The following ANKRD44 variants were observed in gnomAD, a reference collection of about 807,000 sequenced individuals.
ANKRD44 encodes the protein ankyrin repeat domain 44.
A neutral mutation model predicts 116.0 loss-of-function variants in ANKRD44; 35 were observed. The observed-to-expected ratio is 0.30, with a 90% CI of 0.23 to 0.40. The LOEUF (loss-of-function observed/expected upper bound fraction) is 0.40, where lower values mean the gene tolerates loss of function less well. Among genes scored for constraint, ANKRD44 ranks in the 10% least tolerant of loss-of-function variants. The probability of loss-of-function intolerance (pLI) is 1.00; values close to 1 mark genes in which losing one functional copy is unlikely to be tolerated. For missense variants in ANKRD44, 1,014 were observed against 1,242.6 expected (o/e 0.82, Z 2.77); for synonymous variants, 435 against 461.8 (o/e 0.94, Z 0.74).
chr2:197,224,645 T>G (rs1171659061), intron 1 of ANKRD44, among the ~76,000 whole-genome samples: 1 of 152,244 alleles, frequency 6.6e-6, no homozygotes, highest in Admixed American at 6.5e-5. Context: ...TTATGCTTTT[T>G]GGTTTGTTGC....
At chr2:197,274,613 C>T (rs894090733) in intron 1 of ANKRD44, among the ~76,000 whole-genome samples, 1 of 152,184 alleles carries the variant, frequency 6.6e-6, no homozygotes, top group Non-Finnish European at 1.5e-5. Context: ...TCAACTTTTC[C>T]CTCGGCCCAG....
chr2:197,209,517 A>G (rs2081281214), intron 1 of ANKRD44, among the ~76,000 whole-genome samples: 1 of 152,170 alleles, frequency 6.6e-6, no homozygotes, highest in Non-Finnish European at 1.5e-5. Flanking sequence ...ACTCTTTTCC[A>G]TCTTGAATAA....
intron 1 of ANKRD44, among the ~76,000 whole-genome samples, chr2:197,249,187 C>T (rs973904286): frequency 5.9e-5 from 9 of 152,138 alleles, no homozygotes; most frequent in African/African-American, 1.9e-4. Flanking sequence ...GCTGGAGGAT[C>T]GCTTGAGCCC....
chr2:197,124,972 CT>C lies in ANKRD44; in HGVS notation c.550+408del, dbSNP rs1553514141. Among the ~76,000 whole-genome samples, 4 of 29,338 alleles carry C rather than the reference CT, an allele frequency of 1.4e-4. No homozygotes were observed. The South Asian group carries it at 0.01, about 76-fold the overall frequency. The allele number at this position is 29,338 out of a possible 152,430, so 19.2% of individuals were successfully genotyped here. A position where few individuals can be genotyped will look rare whatever the true frequency, so the allele number is the denominator to read the frequency against. ...CCAGAGGTTTGTCTTTTCTTCCTTT[CT>C]TTTTGTTTCTTTCAAAAATATTTAT... On this transcript the variant is annotated intron_variant, in intron 6 of 27. Transcript: ENST00000282272.
At chr2:197,010,299 CG>C (rs1281726588) in intron 18 of ANKRD44, among the ~76,000 whole-genome samples, 1 of 152,174 alleles carries the variant, frequency 6.6e-6, no homozygotes, top group Non-Finnish European at 1.5e-5. Context: ...CTCAGCCCCA[CG>C]GTCACCGAGC....
chr2:196,998,179 T>C (rs2376209), intron 25 of ANKRD44, among the ~76,000 whole-genome samples, 158 bp downstream of exon 25: 113,903 of 152,166 alleles, frequency 0.75, 45,110 homozygotes, highest in East Asian at 0.97. Context: ...GGGTCTGTCC[T>C]TTCCTTCTCA....
chr2:196,994,089 G>T (rs2075968564), intron 26 of ANKRD44, among the ~76,000 whole-genome samples: 1 of 152,126 alleles, frequency 6.6e-6, no homozygotes. Flanking sequence ...AAACTTCCTT[G>T]TTACTACTAA....
Position 197,154,420 on chromosome 2 carries a change from C to A in ANKRD44, c.112-7315G>T, listed in dbSNP as rs1686131612. On this transcript the variant is annotated intron_variant, in intron 2 of 27. Coordinates refer to ENST00000282272, the MANE Select transcript of ANKRD44 (RefSeq NM_001195144.2). ...GGTCTCGATCTCCTGACCTCGTGAT[C>A]CGCCCGCCTCGGCCTCCCAAAGTGC... 2.6e-5 allele frequency among the ~76,000 whole-genome samples: 4 copies of A among 152,018 alleles called. No individual in the cohort carries two copies. The South Asian group carries it at 8.3e-4, about 31-fold the overall frequency.
chr2:197,076,764 C>G (rs530963950), intron 16 of ANKRD44, among the ~76,000 whole-genome samples: 2 of 151,454 alleles, frequency 1.3e-5, no homozygotes, highest in Non-Finnish European at 3.0e-5. Flanking sequence ...TATTTGGTTT[C>G]TTGCTCCTGT....
chr2:197,244,149 G>A (rs1190887309), intron 1 of ANKRD44, among the ~76,000 whole-genome samples: 2 of 152,180 alleles, frequency 1.3e-5, no homozygotes, highest in East Asian at 1.9e-4. Context: ...CCCAACTTAG[G>A]TAGCTATAAC....
At chr2:197,297,374 C>T (rs1479618994) in intron 1 of ANKRD44, among the ~76,000 whole-genome samples, 2 of 152,114 alleles carry the variant, frequency 1.3e-5, no homozygotes, top group African/African-American at 2.4e-5. Flanking sequence ...AAAACAAAAA[C>T]AAACTCAAAT....
chr2:197,014,784 CAA>C (rs370169126), intron 17 of ANKRD44, among the ~76,000 whole-genome samples: 2 of 123,476 alleles, frequency 1.6e-5, no homozygotes, highest in Admixed American at 8.2e-5. Flanking sequence ...ACTCTGTCTC[CAA>C]AAAAAAAAAC....
At chr2:197,265,058 C>A (rs1462576009) in intron 1 of ANKRD44, among the ~76,000 whole-genome samples, 1 of 152,176 alleles carries the variant, frequency 6.6e-6, no homozygotes, top group Non-Finnish European at 1.5e-5. Context: ...AAACCTCCCA[C>A]AGAATTCCGT....
chr2:197,086,461 T>C (rs962503508), intron 13 of ANKRD44, among the ~76,000 whole-genome samples: 1 of 152,110 alleles, frequency 6.6e-6, no homozygotes, highest in Non-Finnish European at 1.5e-5. Context: ...AGGGAGACAA[T>C]TGGCACATCT....
At chr2:197,153,678 C>T (rs2079723061) in intron 2 of ANKRD44, among the ~76,000 whole-genome samples, 1 of 152,068 alleles carries the variant, frequency 6.6e-6, no homozygotes, top group African/African-American at 2.4e-5. Flanking sequence ...AGTAATAGTC[C>T]CATATGTGCC....
chr2:197,256,007 TC>T (rs1195345318), intron 1 of ANKRD44, among the ~76,000 whole-genome samples: 2 of 152,270 alleles, frequency 1.3e-5, no homozygotes, highest in Non-Finnish European at 2.9e-5. Context: ...TGGAGGGGAT[TC>T]TTAAGATACT....
intron 1 of ANKRD44, among the ~76,000 whole-genome samples, chr2:197,279,320 A>G (rs974960045): frequency 6.6e-5 from 10 of 152,214 alleles, no homozygotes; most frequent in Non-Finnish European, 7.3e-5. Context: ...GAGAAACAGC[A>G]TCACGCAGTC....
chr2:197,185,594 A>G (rs1208506829), intron 2 of ANKRD44, among the ~76,000 whole-genome samples: 3 of 152,212 alleles, frequency 2.0e-5, no homozygotes, highest in Non-Finnish European at 4.4e-5. Flanking sequence ...TTCAACTCAA[A>G]TCTAGGAAAC....
chr2:197,004,611 A>G (rs531175842), intron 21 of ANKRD44, among the ~76,000 whole-genome samples: 2 of 152,298 alleles, frequency 1.3e-5, no homozygotes, highest in East Asian at 3.8e-4. Flanking sequence ...AAAAGGTGTT[A>G]TTCTGGGTTG....
Sources: gnomAD v4.1 joint callset for allele counts (sites outside exome capture counted in the v4.1 genomes callset) on GRCh38, gnomAD v4.1.1 for gene constraint, MANE v1.5 for transcripts, NCBI Gene and HGNC (gene_info 2026-07-23, HGNC 2026-07-21) for gene names.